LPAR3: variants seen among roughly 807,000 people sequenced by gnomAD.
LPAR3 encodes the protein lysophosphatidic acid receptor 3, also known as LPA receptor 3.
A neutral mutation model predicts 17.8 loss-of-function variants in LPAR3; 7 were observed. The ratio of observed to expected loss-of-function variants is 0.39; its 90% CI spans 0.22 to 0.74. The LOEUF (loss-of-function observed/expected upper bound fraction) is 0.74, where lower values mean the gene tolerates loss of function less well. Among genes scored for constraint, LPAR3 ranks in the 30% least tolerant of loss-of-function variants. LPAR3 has a pLI of 0.40. For synonymous variants in LPAR3, 179 were observed against 179.9 expected, an observed-to-expected ratio of 0.99 and a Z score of 0.04; for missense variants, 391 against 453.4, an observed-to-expected ratio of 0.86 and a Z score of 1.25.
At chr1:84,835,118 T>G (rs1409234901) in intron 2 of LPAR3, among the ~76,000 whole-genome samples, 1 of 152,212 alleles carries the variant, frequency 6.6e-6, no homozygotes, top group Non-Finnish European at 1.5e-5. Flanking sequence ...CTGTTCTGGA[T>G]CCTTCAAAAC....
At chr1:84,826,318 A>C (rs766167193) in intron 2 of LPAR3, among the ~76,000 whole-genome samples, 1 of 152,044 alleles carries the variant, frequency 6.6e-6, no homozygotes, top group Non-Finnish European at 1.5e-5. Context: ...AAATTCAACA[A>C]GAACTTTCAG....
At position 84,872,429 on chromosome 1, in the gene LPAR3, C is replaced by T. The variant is rs556905225; in HGVS notation, c.-18-6291G>A. On this transcript the variant is annotated intron_variant, in intron 1 of 2. Coordinates refer to ENST00000370611, the MANE Select transcript of LPAR3 (RefSeq NM_012152.3). ...AGTCAGGGTCGTTCTGAAGGACAGT[C>T]TCACAATAGAGACCTCTCTCTATTA... Among the ~76,000 whole-genome samples, 16 of 152,214 alleles carry T rather than the reference C, an allele frequency of 1.1e-4. No individual in the cohort carries two copies. In the South Asian group the frequency reaches 3.3e-3, roughly 32 times the overall value.
chr1:84,843,834 C>T (rs1659551248), intron 2 of LPAR3, among the ~76,000 whole-genome samples: 1 of 152,202 alleles, frequency 6.6e-6, no homozygotes, highest in Non-Finnish European at 1.5e-5. Flanking sequence ...AGGCCTTTTG[C>T]ATCTGCTGTT....
intron 2 of LPAR3, among the ~76,000 whole-genome samples, chr1:84,849,696 T>C (rs1659666374): frequency 6.6e-6 from 1 of 152,138 alleles, no homozygotes; most frequent in Non-Finnish European, 1.5e-5. Context: ...CTCCTGCTAG[T>C]GCTCGAGCCT....
At chr1:84,847,369 T>G (rs1425828401) in intron 2 of LPAR3, among the ~76,000 whole-genome samples, 1 of 152,190 alleles carries the variant, frequency 6.6e-6, no homozygotes. Flanking sequence ...CATGTGTGTG[T>G]GGGAGTGGAG....
At chr1:84,883,768 A>G (rs1660407712) in intron 1 of LPAR3, among the ~76,000 whole-genome samples, 1 of 151,240 alleles carries the variant, frequency 6.6e-6, no homozygotes, top group South Asian at 2.1e-4. Flanking sequence ...CTCTTTTTGG[A>G]AGCAGTCTCT....
At chr1:84,891,093 C>G (rs1451698814) in intron 1 of LPAR3, among the ~76,000 whole-genome samples, 1 of 151,286 alleles carries the variant, frequency 6.6e-6, no homozygotes, top group African/African-American at 2.4e-5. Flanking sequence ...TCATAGAAAA[C>G]ATATGCAGGC....
intron 2 of LPAR3, among the ~76,000 whole-genome samples, chr1:84,839,165 T>A (rs187390716): frequency 2.0e-5 from 3 of 152,340 alleles, no homozygotes; most frequent in Admixed American, 2.0e-4. Flanking sequence ...TAGCATTTGG[T>A]GTAGAAACCA....
chr1:84,824,025 T>C (rs1337419419), intron 2 of LPAR3, among the ~76,000 whole-genome samples: 1 of 152,184 alleles, frequency 6.6e-6, no homozygotes, highest in East Asian at 1.9e-4. Flanking sequence ...ATGTAATATT[T>C]AATCACATAA....
chr1:84,879,145 A>G (rs1419503050), intron 1 of LPAR3, among the ~76,000 whole-genome samples: 29 of 152,264 alleles, frequency 1.9e-4, no homozygotes. Flanking sequence ...AAAGTCATGC[A>G]ATGGGTGGTA....
At position 84,813,948 on chromosome 1, in the gene LPAR3, G is replaced by C; in HGVS notation, c.960C>G (p.Pro320=). The C allele has an allele frequency of 6.2e-7, 1 of 1,614,150 alleles. No individual in the cohort carries two copies. Among genetic ancestry groups the C allele is most frequent in the Non-Finnish European group, 8.5e-7 (1 of 1,180,024 alleles). The change falls in exon 3 of 3, where the codon CCC becomes CCG. Residue 320 remains proline (P), a synonymous_variant. Coordinates refer to ENST00000370611, the MANE Select transcript of LPAR3 (RefSeq NM_012152.3). ...TGAGGACTGTGGAGGGGATGCGAGA[G>C]GGACGCCTCTCTGGGTTCTCCTGAG... ...CFSQENPERR[P]SRIPSTVLSR...
chr1:84,835,106 A>G (rs1659368689), intron 2 of LPAR3, among the ~76,000 whole-genome samples: 1 of 152,172 alleles, frequency 6.6e-6, no homozygotes, highest in Non-Finnish European at 1.5e-5. Flanking sequence ...CAATTCCTTC[A>G]TCTGTTCTGG....
At chr1:84,818,933 G>A (rs1053936408) in intron 2 of LPAR3, among the ~76,000 whole-genome samples, 2 of 151,698 alleles carry the variant, frequency 1.3e-5, no homozygotes, top group African/African-American at 4.8e-5. Context: ...TCTATGTTTC[G>A]CTTTTTTCCC....
At chr1:84,889,043 G>A (rs143408924) in intron 1 of LPAR3, among the ~76,000 whole-genome samples, 2 of 152,144 alleles carry the variant, frequency 1.3e-5, no homozygotes, top group African/African-American at 2.4e-5. Context: ...CAGTATCAGG[G>A]GTCATGGGCA....
chr1:84,862,108 C>T (rs992294133), intron 2 of LPAR3, among the ~76,000 whole-genome samples: 3 of 152,158 alleles, frequency 2.0e-5, no homozygotes, highest in African/African-American at 7.2e-5. Context: ...GGTAATTTCT[C>T]AAGACACATA....
intron 1 of LPAR3, among the ~76,000 whole-genome samples, chr1:84,888,893 G>A (rs1384134442): frequency 6.6e-6 from 1 of 152,110 alleles, no homozygotes; most frequent in African/African-American, 2.4e-5. Flanking sequence ...TAATTAGAGG[G>A]GTTGATGAAC....
At chr1:84,831,986 A>G (rs1044956104) in intron 2 of LPAR3, among the ~76,000 whole-genome samples, 4 of 152,062 alleles carry the variant, frequency 2.6e-5, no homozygotes, top group African/African-American at 9.7e-5. Context: ...ATATTGGTAA[A>G]AACTCCCATT....
intron 1 of LPAR3, among the ~76,000 whole-genome samples, chr1:84,872,347 G>A (rs528351196): frequency 6.6e-6 from 1 of 152,128 alleles, no homozygotes; most frequent in Non-Finnish European, 1.5e-5. Context: ...CCTGCAAGCT[G>A]AGAGGTATAA....
intron 2 of LPAR3, among the ~76,000 whole-genome samples, chr1:84,831,654 C>A (rs1226833171): frequency 6.6e-6 from 1 of 151,744 alleles, no homozygotes; most frequent in Non-Finnish European, 1.5e-5. Flanking sequence ...AGGATTCTTT[C>A]AAACTATGAC....
Sources: gnomAD v4.1 joint callset for allele counts (sites outside exome capture counted in the v4.1 genomes callset) on GRCh38, gnomAD v4.1.1 for gene constraint, MANE v1.5 for transcripts, NCBI Gene and HGNC (gene_info 2026-07-23, HGNC 2026-07-21) for gene names.